Variants in MCU observed in about 807,000 individuals in gnomAD.
MCU encodes calcium uniporter protein, mitochondrial.
A neutral mutation model predicts 45.2 loss-of-function variants in MCU; 12 were observed. That is an observed-to-expected ratio of 0.27 (90% CI 0.17 to 0.43). The LOEUF is 0.43. MCU is among the 20% of genes least tolerant of loss of function. The pLI, the probability that MCU is intolerant of heterozygous loss-of-function variation, is 1.00. For missense variants in MCU, 324 were observed against 436.7 expected (o/e 0.74, Z 2.30); for synonymous variants, 160 against 165.1 (o/e 0.97, Z 0.24).
chr10:72,701,242 C>T (rs1842755490), intron 1 of MCU, among the ~76,000 whole-genome samples: 1 of 152,150 alleles, frequency 6.6e-6, no homozygotes, highest in African/African-American at 2.4e-5. Context: ...CCATCTAAGA[C>T]CTGAGGACAT....
intron 1 of MCU, among the ~76,000 whole-genome samples, chr10:72,796,380 C>A (rs934077070): frequency 1.3e-5 from 2 of 152,150 alleles, no homozygotes; most frequent in African/African-American, 4.8e-5. Context: ...ATGATTGTAT[C>A]ACTGCACTTC....
chr10:72,786,044 T>C (rs1844067013), intron 1 of MCU, among the ~76,000 whole-genome samples: 1 of 152,222 alleles, frequency 6.6e-6, no homozygotes, highest in Admixed American at 6.5e-5. Flanking sequence ...GAAAAAACGG[T>C]ATTATGCTGT....
rs1218631518 is a variant in MCU at position 72,885,847 on chromosome 10, G to A, written c.*25G>A. The A allele has an allele frequency of 6.3e-7, 1 of 1,592,686 alleles. No homozygotes were observed. The highest frequency in any genetic ancestry group is 8.6e-7 in the Non-Finnish European group (1 of 1,161,032). On this transcript the variant is annotated 3_prime_UTR_variant, in exon 8 of 8. Transcript: ENST00000373053. ...ATCTGCAAAAAGCCTCTGAATCCTG[G>A]CAGAAGGAACACCTGTTTGCCTTTT...
intron 1 of MCU, among the ~76,000 whole-genome samples, chr10:72,827,649 A>T (rs1165574925): frequency 6.6e-6 from 1 of 152,192 alleles, no homozygotes; most frequent in Non-Finnish European, 1.5e-5. Context: ...TCAATCTCTT[A>T]TGGATATTGA....
intron 6 of MCU, among the ~76,000 whole-genome samples, chr10:72,878,509 G>C (rs929623730): frequency 1.3e-5 from 2 of 152,030 alleles, no homozygotes; most frequent in Admixed American, 1.3e-4. Context: ...ACAGACACAA[G>C]GACTCCAGAT....
intron 6 of MCU, among the ~76,000 whole-genome samples, chr10:72,881,558 C>G (rs1037984968): frequency 6.6e-6 from 1 of 152,130 alleles, no homozygotes; most frequent in Admixed American, 6.6e-5. Context: ...AAATTAATAT[C>G]TGTTTATTAA....
chr10:72,805,215 C>CTTTCCTT lies in MCU; in HGVS notation c.151-29142_151-29136dup, dbSNP rs1554824962. The stretch of plus-strand genomic sequence containing the variant: ...CTTCCTTCCTTCCTTTCTTCCTTTC[C>CTTTCCTT]TTTCCTTTCCTTTTTCCTTTCCTTT... On this transcript the variant is annotated intron_variant, in intron 1 of 7. Transcript: ENST00000373053. Among the ~76,000 whole-genome samples, 232 of 131,734 alleles carry CTTTCCTT rather than the reference C, an allele frequency of 1.8e-3. 3 individuals carry two copies. The highest frequency in any genetic ancestry group is 7.2e-3 in the African/African-American group (207 of 28,646). 86.4% of individuals were successfully genotyped at this position (131,734 alleles called of 152,430 possible).
At chr10:72,735,805 C>T (rs746655153) in intron 1 of MCU, among the ~76,000 whole-genome samples, 5 of 152,042 alleles carry the variant, frequency 3.3e-5, no homozygotes, top group Non-Finnish European at 7.4e-5. Context: ...GAGAAGGTGC[C>T]TAATTATATA....
At chr10:72,728,404 A>ATT (rs1843127603) in intron 1 of MCU, among the ~76,000 whole-genome samples, 1 of 152,202 alleles carries the variant, frequency 6.6e-6, no homozygotes, top group South Asian at 2.1e-4. Context: ...AACTATGGGA[A>ATT]ATTTGATACA....
chr10:72,808,322 G>C (rs940798546), intron 1 of MCU, among the ~76,000 whole-genome samples: 1 of 152,212 alleles, frequency 6.6e-6, no homozygotes, highest in Admixed American at 6.5e-5. Flanking sequence ...TGTGAGGCAA[G>C]AACAGTCATA....
At chr10:72,867,482 A>G (rs1265743509) in intron 4 of MCU, among the ~76,000 whole-genome samples, 2 of 152,194 alleles carry the variant, frequency 1.3e-5, no homozygotes, top group African/African-American at 2.4e-5. Context: ...ACTGAGGCCC[A>G]TACAGCTATT....
At chr10:72,825,468 TG>T (rs1844785029) in intron 1 of MCU, among the ~76,000 whole-genome samples, 1 of 152,222 alleles carries the variant, frequency 6.6e-6, no homozygotes, top group South Asian at 2.1e-4. Flanking sequence ...AACATCCTCT[TG>T]CTCTTCTACA....
intron 6 of MCU, among the ~76,000 whole-genome samples, chr10:72,882,112 T>A (rs1356082537): frequency 1.3e-5 from 2 of 152,192 alleles, no homozygotes; most frequent in Non-Finnish European, 2.9e-5. Flanking sequence ...ATTGTGAAGG[T>A]TTCATGGACA....
chr10:72,886,072 A>G lies in MCU; in HGVS notation c.*250A>G, dbSNP rs190413755. 4.9e-6 allele frequency: 2 copies of G among 410,102 alleles called. No individual in the cohort carries two copies. Among genetic ancestry groups the G allele is most frequent in the Non-Finnish European group, 8.8e-6 (2 of 227,608 alleles). 25.4% of individuals were successfully genotyped at this position (410,102 alleles called of 1,614,324 possible). A position where few individuals can be genotyped will look rare whatever the true frequency, so the allele number is the denominator to read the frequency against. On this transcript the variant is annotated 3_prime_UTR_variant, in exon 8 of 8. Transcript: ENST00000373053. ...GTATCTCAGTTTCTGGATGAAAATG[A>G]TGCAGTTATATAGTTGAGAGATTCA...
intron 1 of MCU, among the ~76,000 whole-genome samples, chr10:72,814,922 A>C (rs1160087825): frequency 6.6e-6 from 1 of 152,244 alleles, no homozygotes; most frequent in African/African-American, 2.4e-5. Context: ...AAATCTTAGG[A>C]AAGAAGTATA....
intron 1 of MCU, among the ~76,000 whole-genome samples, chr10:72,752,203 C>T (rs962702283): frequency 3.3e-5 from 5 of 151,806 alleles, no homozygotes; most frequent in East Asian, 1.9e-4. Flanking sequence ...ATACTTTTCA[C>T]GCATTATCTC....
intron 4 of MCU, among the ~76,000 whole-genome samples, chr10:72,867,053 G>A (rs908831483): frequency 3.4e-5 from 5 of 147,978 alleles, no homozygotes; most frequent in African/African-American, 1.0e-4. Flanking sequence ...CATTTACTGA[G>A]GCATACAAGA....
chr10:72,882,646 A>C (rs1278576271), intron 6 of MCU, among the ~76,000 whole-genome samples: 1 of 152,172 alleles, frequency 6.6e-6, no homozygotes, highest in Non-Finnish European at 1.5e-5. Flanking sequence ...CTGTCTCCTG[A>C]TAAGATGTTA....
intron 1 of MCU, among the ~76,000 whole-genome samples, chr10:72,730,263 C>T (rs1054771457): frequency 6.9e-6 from 1 of 145,942 alleles, no homozygotes; most frequent in Non-Finnish European, 1.5e-5. Context: ...GCCCAGCCTT[C>T]AACATTCTTT....
Sources: allele counts gnomAD v4.1 joint callset (sites outside exome capture counted in the v4.1 genomes callset), GRCh38; gene constraint gnomAD v4.1.1; transcripts MANE v1.5; gene names NCBI Gene and HGNC (gene_info 2026-07-23, HGNC 2026-07-21).